SNRK: variants seen among roughly 807,000 people sequenced by gnomAD.
SNRK encodes SNF related kinase, also known as SNF-related serine/threonine-protein kinase.
In SNRK, 3 loss-of-function variants were observed where a neutral mutation model predicts 48.2. That is an observed-to-expected ratio of 0.06 (90% confidence interval 0.03 to 0.16). SNRK has a LOEUF of 0.16. SNRK is among the 10% of genes least tolerant of loss of function. SNRK has a pLI of 1.00. For missense variants in SNRK, 627 were observed against 976.0 expected (o/e 0.64, Z 4.76); for synonymous variants, 376 against 366.1 (o/e 1.03, Z -0.31).
chr3:43,314,781 GTGCCTATAGCCCCAGCT>G (rs1332848726), intron 3 of SNRK, among the ~76,000 whole-genome samples: 1 of 152,066 alleles, frequency 6.6e-6, no homozygotes, highest in African/African-American at 2.4e-5. Flanking sequence ...CTCGTAGTGT[GTGCCTATAGCCCCAGCT>G]ACTCAAAAGG....
chr3:43,342,043 T>C (rs555324560), intron 5 of SNRK, among the ~76,000 whole-genome samples: 52 of 152,302 alleles, frequency 3.4e-4, no homozygotes, highest in African/African-American at 1.2e-3. Flanking sequence ...GTGTAGAAAA[T>C]GATTTTTCAC....
chr3:43,313,202 T>G, intron 3 of SNRK, among the ~76,000 whole-genome samples: 1 of 152,186 alleles, frequency 6.6e-6, no homozygotes, highest in East Asian at 1.9e-4. Context: ...AAATATGCAA[T>G]TGCACTCCTG....
chr3:43,291,930 C>T (rs919376644), intron 1 of SNRK, among the ~76,000 whole-genome samples: 1 of 152,220 alleles, frequency 6.6e-6, no homozygotes, highest in Admixed American at 6.5e-5. Flanking sequence ...AGTTTGTAAC[C>T]TCATTGGCTT....
intron 3 of SNRK, among the ~76,000 whole-genome samples, chr3:43,319,027 CAAA>C (rs573381074): frequency 1.2e-4 from 8 of 68,798 alleles, no homozygotes; most frequent in African/African-American, 9.5e-5. Flanking sequence ...GACTTTGTCT[CAAA>C]AAAAAAAAAA....
intron 3 of SNRK, among the ~76,000 whole-genome samples, chr3:43,323,102 T>C (rs962621229): frequency 2.6e-5 from 4 of 152,156 alleles, no homozygotes; most frequent in East Asian, 1.9e-4. Context: ...GCCGTTTTTT[T>C]CAGCAATGCT....
intron 4 of SNRK, among the ~76,000 whole-genome samples, chr3:43,336,114 C>T (rs760260675): frequency 6.6e-6 from 1 of 151,840 alleles, no homozygotes; most frequent in Non-Finnish European, 1.5e-5. Flanking sequence ...TGTCCTACTT[C>T]AGTTTTTTTT....
chr3:43,328,524 C>T (rs1401048700), intron 3 of SNRK, among the ~76,000 whole-genome samples: 1 of 152,086 alleles, frequency 6.6e-6, no homozygotes, highest in African/African-American at 2.4e-5. Flanking sequence ...GCATGCACCA[C>T]TGTGCCTGGC....
chr3:43,319,471 G>A (rs1201205204), intron 3 of SNRK, among the ~76,000 whole-genome samples: 1 of 144,864 alleles, frequency 6.9e-6, no homozygotes, highest in Non-Finnish European at 1.5e-5. Flanking sequence ...TTTGCTGGGT[G>A]TAAAAATAAA....
chr3:43,329,280 T>C (rs1167418342), intron 3 of SNRK, among the ~76,000 whole-genome samples: 1 of 151,890 alleles, frequency 6.6e-6, no homozygotes, highest in Non-Finnish European at 1.5e-5. Flanking sequence ...CAACTAAAAA[T>C]AGAAAAAATT....
intron 1 of SNRK, among the ~76,000 whole-genome samples, chr3:43,290,143 C>G (rs2090799609): frequency 6.6e-6 from 1 of 152,196 alleles, no homozygotes; most frequent in African/African-American, 2.4e-5. Context: ...ACCCATAATA[C>G]TGTCAGCTCT....
chr3:43,324,185 A>T (rs1052813031), intron 3 of SNRK, among the ~76,000 whole-genome samples: 4 of 152,192 alleles, frequency 2.6e-5, no homozygotes, highest in Non-Finnish European at 5.9e-5. Context: ...GTTGGTGAGG[A>T]TGGGGCCCTC....
rs1439035492 is a variant in SNRK, at chr3:43,350,326, G to A, written c.*1769G>A. On this transcript the variant is annotated 3_prime_UTR_variant, in exon 7 of 7. Coordinates refer to ENST00000296088, the MANE Select transcript of SNRK (RefSeq NM_017719.5). ...AAGATGTGTGGTTCACATAGATAGT[G>A]AGCGTAACATCTGTATTAAACATAG... 1 of 152,600 alleles carries A rather than the reference G, an allele frequency of 6.6e-6. No homozygotes were observed. Among genetic ancestry groups the A allele is most frequent in the African/African-American group, 2.4e-5 (1 of 41,434 alleles). 9.5% of individuals were successfully genotyped at this position (152,600 alleles called of 1,614,324 possible).
At chr3:43,334,912 T>G (rs957965967) in intron 4 of SNRK, among the ~76,000 whole-genome samples, 7 of 152,178 alleles carry the variant, frequency 4.6e-5, no homozygotes, top group African/African-American at 1.7e-4. Flanking sequence ...TTTAGTTATA[T>G]TTTTTAAGTC....
intron 3 of SNRK, among the ~76,000 whole-genome samples, chr3:43,317,377 G>C (rs553465971): frequency 1.6e-4 from 24 of 152,290 alleles, no homozygotes; most frequent in Non-Finnish European, 3.2e-4. Context: ...GCAGTGGGGA[G>C]CAGCTGTAAG....
chr3:43,339,842 T>A (rs2091220683), intron 4 of SNRK, among the ~76,000 whole-genome samples: 1 of 66,232 alleles, frequency 1.5e-5, no homozygotes, highest in Non-Finnish European at 2.8e-5. Flanking sequence ...TATATATATA[T>A]ATATATATAT....
At position 43,347,969 on chromosome 3, in the gene SNRK, C is replaced by T. The variant is rs376053914; in HGVS notation, c.1710C>T (p.Ser570=). Residue 570 remains serine, a synonymous_variant, in exon 7 of 7, where the codon AGC becomes AGT. Transcript: ENST00000296088. This position sits in a 1 kb window ranked among gnomAD's most constrained non-coding sequence, Gnocchi z 5.4. ...FTYSWHRRDS[S]EGPPGSEGDG... is the part of the protein sequence containing the mutation. ...ACTCCTGGCACCGACGGGATAGCAG[C>T]GAGGGGCCCCCTGGCAGTGAGGGGG... 1.6e-4 allele frequency: 256 copies of T among 1,613,872 alleles called. No individual in the cohort carries two copies. The highest frequency in any genetic ancestry group is 2.0e-4 in the Non-Finnish European group (239 of 1,180,008).
intron 3 of SNRK, among the ~76,000 whole-genome samples, chr3:43,329,930 T>G (rs1317384393): frequency 6.6e-6 from 1 of 152,160 alleles, no homozygotes; most frequent in Non-Finnish European, 1.5e-5. Flanking sequence ...TTTAAAACAT[T>G]ATTTTGAATA....
intron 3 of SNRK, among the ~76,000 whole-genome samples, chr3:43,306,880 T>C (rs2090941901): frequency 6.6e-6 from 1 of 152,248 alleles, no homozygotes; most frequent in Non-Finnish European, 1.5e-5. Context: ...TTTTAACTTC[T>C]AATTTTAGTA....
chr3:43,309,182 A>AT (rs2090960097), intron 3 of SNRK, among the ~76,000 whole-genome samples: 1 of 152,098 alleles, frequency 6.6e-6, no homozygotes, highest in South Asian at 2.1e-4. Flanking sequence ...TTTTATCTTA[A>AT]TTTTTTTAAA....
Sources: allele counts gnomAD v4.1 joint callset (sites outside exome capture counted in the v4.1 genomes callset), GRCh38; gene constraint gnomAD v4.1.1; non-coding constraint Gnocchi (gnomAD v3.1); transcripts MANE v1.5; gene names NCBI Gene and HGNC (gene_info 2026-07-23, HGNC 2026-07-21).